TMEM45B: variants seen among roughly 807,000 people sequenced by gnomAD.
TMEM45B encodes transmembrane protein 45B.
A neutral mutation model predicts 27.3 loss-of-function variants in TMEM45B; 29 were observed. That is an observed-to-expected ratio of 1.06 (90% CI 0.79 to 1.45). The LOEUF (loss-of-function observed/expected upper bound fraction) is 1.45. TMEM45B is among the 40% of genes most tolerant of loss of function. TMEM45B has a pLI of 0.00. For missense variants in TMEM45B, 348 were observed against 343.9 expected, an observed-to-expected ratio of 1.01 and a Z score of -0.09; for synonymous variants, 143 against 134.7, an observed-to-expected ratio of 1.06 and a Z score of -0.43.
At position 129,859,389 on chromosome 11, in the gene TMEM45B, C is replaced by T. The variant is rs1327439998; in HGVS notation, c.*704C>T. On this transcript the variant is annotated 3_prime_UTR_variant, in exon 6 of 6. Transcript: ENST00000281441. ...CTTCAAAGTCACCCTAAAAGAAGAT[C>T]TGACAGGAAAGCTGTATAATGAGAT... The T allele has an allele frequency of 6.6e-6, 1 of 151,992 alleles. No individual in the cohort carries two copies. Among genetic ancestry groups the T allele is most frequent in the Non-Finnish European group, 1.5e-5 (1 of 68,008 alleles). 9.4% of individuals were successfully genotyped at this position (151,992 alleles called of 1,614,324 possible).
intron 3 of TMEM45B, among the ~76,000 whole-genome samples, chr11:129,855,478 T>C (rs1947908888): frequency 6.6e-6 from 1 of 152,230 alleles, no homozygotes. Context: ...CGGCCCATCC[T>C]ATACTGACCC....
At chr11:129,840,758 G>A (rs1344502072) in intron 1 of TMEM45B, among the ~76,000 whole-genome samples, 7 of 151,556 alleles carry the variant, frequency 4.6e-5, no homozygotes, top group Non-Finnish European at 1.0e-4. Context: ...GGTGGTGCAC[G>A]CCTGTAATCC....
intron 2 of TMEM45B, among the ~76,000 whole-genome samples, chr11:129,854,017 T>G (rs1947885720): frequency 6.6e-6 from 1 of 152,192 alleles, no homozygotes; most frequent in African/African-American, 2.4e-5. Flanking sequence ...TCTGCCTTGT[T>G]TACCCGGTGT....
chr11:129,839,294 A>G (rs1453373093), intron 1 of TMEM45B, among the ~76,000 whole-genome samples: 1 of 152,150 alleles, frequency 6.6e-6, no homozygotes, highest in Non-Finnish European at 1.5e-5. Context: ...GAGATTCTGG[A>G]AATGAGAGTC....
intron 1 of TMEM45B, among the ~76,000 whole-genome samples, chr11:129,849,248 C>T (rs1023156311): frequency 2.6e-5 from 4 of 152,120 alleles, no homozygotes; most frequent in East Asian, 1.9e-4. Context: ...AAATGAGTTG[C>T]GTACTTTGAT....
At chr11:129,829,777 TAGTAA>T (rs1428778149) in intron 1 of TMEM45B, among the ~76,000 whole-genome samples, 1 of 152,214 alleles carries the variant, frequency 6.6e-6, no homozygotes, top group African/African-American at 2.4e-5. Flanking sequence ...CTGTATACTC[TAGTAA>T]AGTATTTTTA....
In TMEM45B at chr11:129,859,336, T is replaced by A. The variant is rs1022315470; in HGVS notation, c.*651T>A. The A allele has an allele frequency of 5.3e-5, 8 of 152,162 alleles. No individual in the cohort carries two copies. Among genetic ancestry groups the A allele is most frequent in the Non-Finnish European group, 1.0e-4 (7 of 68,034 alleles). The allele number at this position is 152,162 out of a possible 1,614,324, so 9.4% of individuals were successfully genotyped here. ...TCAGGAAGCTGGTTACTGGCTCTAC[T>A]GAGAGTTGGAGCCCTGATGTTCTGA... On this transcript the variant is annotated 3_prime_UTR_variant, in exon 6 of 6. Transcript: ENST00000281441.
chr11:129,833,591 A>G (rs1947580482), intron 1 of TMEM45B, among the ~76,000 whole-genome samples: 1 of 152,116 alleles, frequency 6.6e-6, no homozygotes, highest in Non-Finnish European at 1.5e-5. Context: ...CCTGGCCAAC[A>G]TGGTGAAACC....
At chr11:129,817,336 C>T (rs568028774) in intron 1 of TMEM45B, among the ~76,000 whole-genome samples, 2 of 152,256 alleles carry the variant, frequency 1.3e-5, no homozygotes, top group South Asian at 2.1e-4. Flanking sequence ...GGCCCAGGGG[C>T]GTCAGACTTA....
At chr11:129,838,946 C>T (rs692123) in intron 1 of TMEM45B, among the ~76,000 whole-genome samples, 42,743 of 152,064 alleles carry the variant, frequency 0.28, 6,757 homozygotes, top group East Asian at 0.47. Flanking sequence ...CTTTTAACTA[C>T]AGCCAAATGG....
At position 129,844,119 on chromosome 11, in the gene TMEM45B, T is replaced by TA. The variant is rs891803469; in HGVS notation, c.-8-8350dup. 1.3e-3 allele frequency among the ~76,000 whole-genome samples: 205 copies of TA among 152,230 alleles called. 1 individual carries two copies. Among genetic ancestry groups the TA allele is most frequent in the African/African-American group, 4.8e-3 (199 of 41,520 alleles). On this transcript the variant is annotated intron_variant, in intron 1 of 5. Transcript: ENST00000281441. ...TATAGAATGGGATATTATTCAGCCT[T>TA]AAAAAAGAAGGAAATCCTGCTATTT...
intron 1 of TMEM45B, among the ~76,000 whole-genome samples, chr11:129,827,726 T>C (rs2704450): frequency 0.92 from 139,325 of 152,160 alleles, 63,951 homozygotes; most frequent in East Asian, 1. Context: ...TAGCTTGAAC[T>C]GGGAGGCGGA....
intron 1 of TMEM45B, among the ~76,000 whole-genome samples, chr11:129,828,542 A>C (rs1947513308): frequency 6.6e-6 from 1 of 152,314 alleles, no homozygotes; most frequent in South Asian, 2.1e-4. Context: ...CTTTCAACAC[A>C]GAACTCTCTG....
At chr11:129,817,039 C>T (rs778097435) in intron 1 of TMEM45B, among the ~76,000 whole-genome samples, 1 of 152,008 alleles carries the variant, frequency 6.6e-6, no homozygotes, top group African/African-American at 2.4e-5. Flanking sequence ...AACCACCGCG[C>T]CCAGCTAGAA....
At chr11:129,826,562 A>AG (rs1947484389) in intron 1 of TMEM45B, among the ~76,000 whole-genome samples, 4 of 116,930 alleles carry the variant, frequency 3.4e-5, no homozygotes, top group South Asian at 3.0e-4. Flanking sequence ...AAAAAAAAAA[A>AG]AAAAAAGGAC....
intron 1 of TMEM45B, among the ~76,000 whole-genome samples, chr11:129,826,811 C>T (rs963196985): frequency 2.0e-5 from 3 of 151,500 alleles, no homozygotes; most frequent in African/African-American, 7.3e-5. Context: ...GGGTTCACGC[C>T]ATTCTCCTGC....
intron 1 of TMEM45B, among the ~76,000 whole-genome samples, chr11:129,818,763 T>C (rs1205519032): frequency 1.3e-5 from 2 of 152,224 alleles, no homozygotes; most frequent in Non-Finnish European, 2.9e-5. Flanking sequence ...TTCCATATAA[T>C]TACAAAAATA....
At chr11:129,817,905 C>T (rs1306569070) in intron 1 of TMEM45B, among the ~76,000 whole-genome samples, 2 of 152,172 alleles carry the variant, frequency 1.3e-5, no homozygotes, top group African/African-American at 4.8e-5. Context: ...GAGTCACTCC[C>T]CTAGCCAAAG....
intron 1 of TMEM45B, among the ~76,000 whole-genome samples, chr11:129,837,312 G>A (rs1947632540): frequency 6.6e-6 from 1 of 151,856 alleles, no homozygotes; most frequent in Non-Finnish European, 1.5e-5. Context: ...TTGAGACGGA[G>A]TCTTGCTCTG....
Sources: allele counts gnomAD v4.1 joint callset (sites outside exome capture counted in the v4.1 genomes callset), GRCh38; gene constraint gnomAD v4.1.1; transcripts MANE v1.5; gene names NCBI Gene and HGNC (gene_info 2026-07-23, HGNC 2026-07-21).